Variants in RFTN2 observed in about 807,000 individuals in gnomAD.
RFTN2 encodes raftlin-2.
A neutral mutation model predicts 52.7 loss-of-function variants in RFTN2; 34 were observed. The observed-to-expected ratio is 0.64, with a 90% CI of 0.49 to 0.86. The LOEUF (loss-of-function observed/expected upper bound fraction) is 0.86. Ranked by LOEUF, RFTN2 falls within the 40% of genes least tolerant of loss-of-function variation. The pLI is 0.00. For missense variants in RFTN2, 536 were observed against 600.1 expected (o/e 0.89, Z 1.12); for synonymous variants, 203 against 217.7 (o/e 0.93, Z 0.59).
At chr2:197,630,680 G>A (rs777652393) in intron 5 of RFTN2, among the ~76,000 whole-genome samples, 1 of 152,138 alleles carries the variant, frequency 6.6e-6, no homozygotes, top group East Asian at 1.9e-4. Context: ...TAGTAAACAC[G>A]AAATGCCATC....
At chr2:197,649,467 G>A (rs917545128) in intron 1 of RFTN2, among the ~76,000 whole-genome samples, 1 of 152,192 alleles carries the variant, frequency 6.6e-6, no homozygotes, top group Admixed American at 6.5e-5. Flanking sequence ...GGAGAAGATT[G>A]TACCACAAAT....
intron 3 of RFTN2, among the ~76,000 whole-genome samples, chr2:197,642,346 A>G (rs901634789): frequency 6.6e-6 from 1 of 152,260 alleles, no homozygotes; most frequent in African/African-American, 2.4e-5. Context: ...TGCAGTGGAA[A>G]AGAAACACCT....
chr2:197,623,614 G>C (rs1446933685), intron 5 of RFTN2, among the ~76,000 whole-genome samples: 1 of 151,960 alleles, frequency 6.6e-6, no homozygotes, highest in Non-Finnish European at 1.5e-5. Flanking sequence ...GAGTAGCTGG[G>C]ACCGCAGGCG....
At chr2:197,653,172 A>G (rs928163198) in intron 1 of RFTN2, among the ~76,000 whole-genome samples, 5 of 152,230 alleles carry the variant, frequency 3.3e-5, no homozygotes, top group African/African-American at 1.2e-4. Context: ...TCAGTGCCGT[A>G]TCTCTATACT....
At position 197,571,391 on chromosome 2, in the gene RFTN2, T is replaced by C. The variant is rs2087314061; in HGVS notation, c.*617A>G. On this transcript the variant is annotated 3_prime_UTR_variant, in exon 9 of 9. Transcript: ENST00000295049. ...ACAACATTTATGTACAATGAATCAGTACAGGGTTGGTGACATGACCCTTTA... is the reference window on the plus strand; with the variant it reads ...ACAACATTTATGTACAATGAATCAGCACAGGGTTGGTGACATGACCCTTTA... The C allele has an allele frequency of 6.5e-6, 1 of 153,426 alleles. No homozygotes were observed. Among genetic ancestry groups the C allele is most frequent in the Non-Finnish European group, 1.5e-5 (1 of 68,598 alleles). 9.5% of individuals were successfully genotyped at this position (153,426 alleles called of 1,614,324 possible).
At chr2:197,582,024 G>C (rs2087518274) in intron 8 of RFTN2, among the ~76,000 whole-genome samples, 2 of 152,186 alleles carry the variant, frequency 1.3e-5, no homozygotes, top group South Asian at 4.1e-4. Context: ...AAAGTGCAGG[G>C]CTGTGCAGTT....
chr2:197,648,224 C>A (rs1258778208), intron 1 of RFTN2, among the ~76,000 whole-genome samples: 1 of 152,206 alleles, frequency 6.6e-6, no homozygotes. Flanking sequence ...GAGACAAATC[C>A]ACCATCAGTG....
At chr2:197,616,309 A>ATTTATTTTACTTT (rs1553601950) in intron 6 of RFTN2, among the ~76,000 whole-genome samples, 1 of 125,040 alleles carries the variant, frequency 8.0e-6, no homozygotes, top group African/African-American at 3.1e-5. Flanking sequence ...ATTTTATTTT[A>ATTTATTTTACTTT]AAGAGAGGGT....
At chr2:197,580,837 T>C (rs957011082) in intron 8 of RFTN2, among the ~76,000 whole-genome samples, 1 of 152,192 alleles carries the variant, frequency 6.6e-6, no homozygotes, top group Non-Finnish European at 1.5e-5. Flanking sequence ...TTAAGCACTC[T>C]TTTTTAGTTA....
intron 7 of RFTN2, among the ~76,000 whole-genome samples, chr2:197,608,877 G>T (rs187845004): frequency 6.6e-6 from 1 of 151,784 alleles, no homozygotes; most frequent in Non-Finnish European, 1.5e-5. Context: ...GTGAGAACAT[G>T]CGATGTTTGG....
intron 5 of RFTN2, among the ~76,000 whole-genome samples, chr2:197,628,676 T>C (rs887830666): frequency 6.6e-6 from 1 of 151,846 alleles, no homozygotes; most frequent in Non-Finnish European, 1.5e-5. Context: ...TCTAAATAGA[T>C]GATCCACACT....
intron 1 of RFTN2, among the ~76,000 whole-genome samples, chr2:197,664,573 C>T (rs141598998): frequency 1.3e-5 from 2 of 151,900 alleles, no homozygotes; most frequent in East Asian, 3.9e-4. Flanking sequence ...AGTTTGAGAC[C>T]AGCCTGGGCA....
intron 1 of RFTN2, among the ~76,000 whole-genome samples, chr2:197,674,339 CAAAAA>C (rs1222944678): frequency 1.5e-4 from 5 of 34,266 alleles, no homozygotes; most frequent in African/African-American, 2.4e-4. Flanking sequence ...TAGAGCAAAG[CAAAAA>C]AAAAAAAAAA....
At chr2:197,675,216 C>A in intron 1 of RFTN2, 104 bp downstream of exon 1, 1 of 845,522 alleles carries the variant, frequency 1.2e-6, no homozygotes, top group Non-Finnish European at 1.7e-6. Flanking sequence ...AATATACAAT[C>A]TCATTATGAA....
At chr2:197,640,684 T>G (rs1378764138) in intron 3 of RFTN2, among the ~76,000 whole-genome samples, 1 of 152,162 alleles carries the variant, frequency 6.6e-6, no homozygotes, top group Non-Finnish European at 1.5e-5. Context: ...AATGCAGAAA[T>G]CACCCGTCTT....
At chr2:197,655,808 G>C (rs546700313) in intron 1 of RFTN2, among the ~76,000 whole-genome samples, 2 of 152,190 alleles carry the variant, frequency 1.3e-5, no homozygotes, top group African/African-American at 4.8e-5. Context: ...TGGGAACAGA[G>C]TGAGACTCCG....
intron 5 of RFTN2, among the ~76,000 whole-genome samples, chr2:197,626,387 G>A (rs935456937): frequency 2.0e-5 from 3 of 151,858 alleles, no homozygotes; most frequent in Non-Finnish European, 4.4e-5. Flanking sequence ...GCAGCAAAGC[G>A]AGACCATGTC....
At chr2:197,589,217 C>A (rs537952110) in intron 8 of RFTN2, among the ~76,000 whole-genome samples, 951 of 42,844 alleles carry the variant, frequency 0.022, 12 homozygotes, top group African/African-American at 0.064. Context: ...GTGACTCTGT[C>A]TCAAAAAAAA....
At position 197,596,066 on chromosome 2, in the gene RFTN2, T is replaced by G; in HGVS notation, c.1158A>C (p.Glu386Asp). The G allele has an allele frequency of 6.2e-7, 1 of 1,601,218 alleles. No individual in the cohort carries two copies. Among genetic ancestry groups the G allele is most frequent in the Non-Finnish European group, 8.6e-7 (1 of 1,168,796 alleles). ...LPTPVLRHDS[E>D]GNLATKQIVF... The stretch of plus-strand genomic sequence containing the variant: ...CGATCTGCTTTGTAGCCAAATTCCC[T>G]TCACTGCAAATTAAAACAATAGTAT... The change falls in exon 8 of 9, where the codon GAA becomes GAC. Residue 386 changes from glutamate to aspartate, a missense_variant. Coordinates refer to ENST00000295049, the MANE Select transcript of RFTN2 (RefSeq NM_144629.3).
Sources: gnomAD v4.1 joint callset for allele counts (sites outside exome capture counted in the v4.1 genomes callset) on GRCh38, gnomAD v4.1.1 for gene constraint, MANE v1.5 for transcripts, NCBI Gene and HGNC (gene_info 2026-07-23, HGNC 2026-07-21) for gene names.